The following DCLK1 variants were observed in gnomAD, a reference collection of about 807,000 sequenced individuals.
The protein encoded by DCLK1 is doublecortin like kinase 1.
DCLK1 carries 16 observed loss-of-function variants against 86.2 expected under a neutral mutation model. The observed-to-expected ratio is 0.19, with a 90% CI of 0.13 to 0.28. The LOEUF is 0.28. DCLK1 is among the 10% of genes least tolerant of loss of function. DCLK1 has a pLI of 1.00. For synonymous variants in DCLK1, 369 were observed against 370.5 expected, an observed-to-expected ratio of 1.00 and a Z score of 0.05; for missense variants, 590 against 940.2, an observed-to-expected ratio of 0.63 and a Z score of 4.87.
intron 3 of DCLK1, among the ~76,000 whole-genome samples, chr13:36,045,736 C>G (rs1185456046): frequency 6.6e-6 from 1 of 151,876 alleles, no homozygotes; most frequent in Non-Finnish European, 1.5e-5. Context: ...CCTGTAGTCC[C>G]AGCTACATTA....
At chr13:35,851,702 C>T (rs1029331981) in intron 6 of DCLK1, among the ~76,000 whole-genome samples, 5 of 152,080 alleles carry the variant, frequency 3.3e-5, no homozygotes, top group African/African-American at 9.7e-5. Flanking sequence ...AACTCTGCTT[C>T]GGAAAAATAG....
At chr13:36,092,965 C>A (rs1338801886) in intron 3 of DCLK1, among the ~76,000 whole-genome samples, 2 of 150,054 alleles carry the variant, frequency 1.3e-5, no homozygotes, top group South Asian at 2.1e-4. Context: ...TAAGACAAGT[C>A]AAAAAAAAAG....
At chr13:35,853,415 G>A (rs1319187156) in intron 6 of DCLK1, among the ~76,000 whole-genome samples, 1 of 152,152 alleles carries the variant, frequency 6.6e-6, no homozygotes, top group Non-Finnish European at 1.5e-5. Flanking sequence ...AGGTGAATCA[G>A]TGAAGAAAGA....
chr13:35,876,098 A>G (rs1377152199), intron 4 of DCLK1, among the ~76,000 whole-genome samples: 1 of 152,206 alleles, frequency 6.6e-6, no homozygotes, highest in Admixed American at 6.5e-5. Context: ...TCTCATATCA[A>G]CATTAAATAA....
chr13:35,915,545 A>G (rs1250975442), intron 4 of DCLK1, among the ~76,000 whole-genome samples: 1 of 152,204 alleles, frequency 6.6e-6, no homozygotes, highest in Admixed American at 6.5e-5. Flanking sequence ...TACTAAAAGA[A>G]AAACAAAAAA....
At chr13:35,961,092 G>A (rs1736258672) in intron 3 of DCLK1, among the ~76,000 whole-genome samples, 1 of 152,128 alleles carries the variant, frequency 6.6e-6, no homozygotes, top group Non-Finnish European at 1.5e-5. Context: ...ATAGGCTCTG[G>A]AGTCAGAGAA....
At chr13:35,889,334 G>A (rs9805481) in intron 4 of DCLK1, among the ~76,000 whole-genome samples, 1,963 of 151,992 alleles carry the variant, frequency 0.013, 48 homozygotes, top group Admixed American at 0.056. Context: ...TTGTAAATAC[G>A]TTATATGCCA....
intron 13 of DCLK1, 128 bp from the exon 14 acceptor site, chr13:35,808,448 G>T (rs1228566488): frequency 1.1e-5 from 9 of 841,504 alleles, no homozygotes; most frequent in Non-Finnish European, 1.7e-5. Flanking sequence ...ATTTTTAATC[G>T]ATTGAAAAAT....
chr13:35,878,877 C>T (rs1472872621), intron 4 of DCLK1, among the ~76,000 whole-genome samples: 1 of 152,046 alleles, frequency 6.6e-6, no homozygotes, highest in Non-Finnish European at 1.5e-5. Flanking sequence ...CCTCTGCCTC[C>T]CAGGTTCAGG....
intron 10 of DCLK1, among the ~76,000 whole-genome samples, chr13:35,823,601 T>G (rs978864779): frequency 1.3e-5 from 2 of 152,194 alleles, no homozygotes; most frequent in African/African-American, 4.8e-5. Flanking sequence ...TTAAATATAT[T>G]GCTTTTTGGT....
chr13:35,903,363 G>A (rs570625886), intron 4 of DCLK1, among the ~76,000 whole-genome samples: 14 of 152,254 alleles, frequency 9.2e-5, no homozygotes, highest in African/African-American at 3.4e-4. Flanking sequence ...ACAACTAATT[G>A]AACAGTTTTC....
At chr13:35,995,769 CA>C (rs1880441637) in intron 3 of DCLK1, among the ~76,000 whole-genome samples, 1 of 152,154 alleles carries the variant, frequency 6.6e-6, no homozygotes, top group African/African-American at 2.4e-5. Context: ...TACGTGAGAT[CA>C]CACGTTTTTA....
At chr13:36,129,275 C>A (rs1372280260) in intron 1 of DCLK1, among the ~76,000 whole-genome samples, 1 of 152,108 alleles carries the variant, frequency 6.6e-6, no homozygotes, top group Non-Finnish European at 1.5e-5. Context: ...CTTTTAGGAC[C>A]AAGAATTCCC....
chr13:36,038,778 C>T (rs1030175778), intron 3 of DCLK1, among the ~76,000 whole-genome samples: 15 of 152,124 alleles, frequency 9.9e-5, no homozygotes, highest in African/African-American at 3.4e-4. Flanking sequence ...AGTGTTCATG[C>T]GTTAGACACT....
At chr13:35,912,030 G>A (rs1281226793) in intron 4 of DCLK1, among the ~76,000 whole-genome samples, 1 of 152,128 alleles carries the variant, frequency 6.6e-6, no homozygotes. Context: ...TTCCTTCGGG[G>A]TGGCTGTGAG....
intron 5 of DCLK1, among the ~76,000 whole-genome samples, chr13:35,867,990 GGAGTATCTA>G (rs1871977104): frequency 1.6e-5 from 2 of 128,810 alleles, no homozygotes; most frequent in African/African-American, 2.9e-5. Context: ...CCTAAACCCT[GGAGTATCTA>G]GAGTATCTAA....
chr13:36,001,466 C>A (rs1880720095), intron 3 of DCLK1, among the ~76,000 whole-genome samples: 1 of 152,196 alleles, frequency 6.6e-6, no homozygotes, highest in African/African-American at 2.4e-5. Context: ...TCAGTCTCCT[C>A]CTCTATAAAA....
chr13:35,883,104 A>T (rs901329754), intron 4 of DCLK1, among the ~76,000 whole-genome samples: 9 of 152,166 alleles, frequency 5.9e-5, no homozygotes, highest in African/African-American at 2.2e-4. Context: ...TTAAGTCAAG[A>T]TTGAAACAAC....
intron 5 of DCLK1, among the ~76,000 whole-genome samples, chr13:35,856,506 G>C (rs1871068143): frequency 6.6e-6 from 1 of 152,180 alleles, no homozygotes; most frequent in Admixed American, 6.5e-5. Context: ...GGGAAAAAAT[G>C]AGCAAATAGG....
Sources: allele counts gnomAD v4.1 joint callset (sites outside exome capture counted in the v4.1 genomes callset), GRCh38; gene constraint gnomAD v4.1.1; transcripts MANE v1.5; gene names NCBI Gene and HGNC (gene_info 2026-07-23, HGNC 2026-07-21).